Variants in PACSIN2 observed in about 807,000 individuals in gnomAD.
PACSIN2 encodes protein kinase C and casein kinase substrate in neurons protein 2.
Under a neutral mutation model 63.8 loss-of-function variants are expected in PACSIN2, and 25 were observed. That is an observed-to-expected ratio of 0.39 (90% CI 0.29 to 0.55). The LOEUF is 0.55. Ranked by LOEUF, PACSIN2 falls within the 20% of genes least tolerant of loss-of-function variation. The probability of loss-of-function intolerance (pLI) is 0.62; values close to 1 mark genes in which losing one functional copy is unlikely to be tolerated. For missense variants in PACSIN2, 518 were observed against 646.9 expected, an observed-to-expected ratio of 0.80 and a Z score of 2.16; for synonymous variants, 255 against 256.2, an observed-to-expected ratio of 1.00 and a Z score of 0.05.
chr22:42,897,175 G>A (rs528788660), intron 2 of PACSIN2, among the ~76,000 whole-genome samples: 1 of 152,260 alleles, frequency 6.6e-6, no homozygotes, highest in East Asian at 1.9e-4. Context: ...GGGCTCAAGC[G>A]ATCCTCCCAC....
intron 2 of PACSIN2, among the ~76,000 whole-genome samples, chr22:42,902,265 C>T (rs1241955651): frequency 6.6e-6 from 1 of 152,212 alleles, no homozygotes; most frequent in African/African-American, 2.4e-5. Context: ...TGAGGCAAGG[C>T]CGCTTTCTCA....
intron 1 of PACSIN2, among the ~76,000 whole-genome samples, chr22:43,002,159 C>G (rs567599421): frequency 6.6e-6 from 1 of 152,164 alleles, no homozygotes; most frequent in East Asian, 1.9e-4. Flanking sequence ...GCCAGGAACC[C>G]CCATGAGAGC....
intron 1 of PACSIN2, among the ~76,000 whole-genome samples, chr22:42,923,401 T>G (rs549766561): frequency 6.6e-6 from 1 of 152,250 alleles, no homozygotes; most frequent in East Asian, 1.9e-4. Context: ...CTAAGCTACT[T>G]CATCTTCAAC....
rs1928620942 is a variant in PACSIN2 at position 42,876,295 on chromosome 22, T to C, written c.1190A>G (p.Asp397Gly). Residue 397 changes from aspartate to glycine, a missense_variant, in exon 10 of 11, where the codon GAC (aspartate) becomes GGC (glycine). Coordinates refer to ENST00000263246, the MANE Select transcript of PACSIN2 (RefSeq NM_001184970.3). Reference protein sequence around the residue: ...SYEKTQSYPTDWSDDESNNPF... With the variant: ...SYEKTQSYPTGWSDDESNNPF... ...GTTGTTAGACTCATCGTCTGACCAG[T>C]CGGTGGGATAGCTCTGGGTCTTCTC... is the stretch of plus-strand genomic sequence containing the variant. The C allele has an allele frequency of 1.2e-6, 2 of 1,614,030 alleles. No homozygotes were observed. Among genetic ancestry groups the C allele is most frequent in the African/African-American group, 2.7e-5 (2 of 74,896 alleles).
intron 4 of PACSIN2, among the ~76,000 whole-genome samples, chr22:42,890,268 G>A (rs1929809763): frequency 6.6e-6 from 1 of 152,122 alleles, no homozygotes; most frequent in South Asian, 2.1e-4. Context: ...CCAAAGTGCT[G>A]GGATTACAGG....
chr22:42,933,224 T>C (rs1316789776), intron 1 of PACSIN2, among the ~76,000 whole-genome samples: 2 of 152,380 alleles, frequency 1.3e-5, no homozygotes, highest in Non-Finnish European at 2.9e-5. Flanking sequence ...TATGGTTCCA[T>C]ATACCTCCCC....
chr22:42,923,811 A>AG (rs1932358435), intron 1 of PACSIN2, among the ~76,000 whole-genome samples: 1 of 152,058 alleles, frequency 6.6e-6, no homozygotes, highest in African/African-American at 2.4e-5. Flanking sequence ...CTGAGGCGGG[A>AG]GGTCTGCTTG....
chr22:42,968,607 T>C (rs1921016668), intron 1 of PACSIN2, among the ~76,000 whole-genome samples: 1 of 152,164 alleles, frequency 6.6e-6, no homozygotes. Flanking sequence ...TTGGGGTGTG[T>C]CCATGGGGCT....
At chr22:42,982,891 C>A (rs80099429) in intron 1 of PACSIN2, among the ~76,000 whole-genome samples, 21,033 of 75,230 alleles carry the variant, frequency 0.28, 3,157 homozygotes, top group East Asian at 0.73. Context: ...AAAAAAAAAA[C>A]AACAACAAGG....
intron 1 of PACSIN2, among the ~76,000 whole-genome samples, chr22:42,991,830 A>C (rs1415730001): frequency 7.4e-6 from 1 of 135,932 alleles, no homozygotes; most frequent in Non-Finnish European, 1.6e-5. Flanking sequence ...AAAAAAAAAA[A>C]CCTTCAATTC....
At position 42,869,820 on chromosome 22, in the gene PACSIN2, T is replaced by C. The variant is rs1283014996; in HGVS notation, c.*1537A>G. The C allele has an allele frequency of 6.6e-6, 1 of 152,284 alleles. No individual in the cohort carries two copies. 9.4% of individuals were successfully genotyped at this position (152,284 alleles called of 1,614,324 possible). On this transcript the variant is annotated 3_prime_UTR_variant, in exon 11 of 11. Coordinates refer to ENST00000263246, the MANE Select transcript of PACSIN2 (RefSeq NM_001184970.3). ...GATTTTTTTCCTCAAATACTACACA[T>C]GTAAAGGAACTGTTAAACTGAAAAA...
chr22:43,013,420 C>G (rs117354840), intron 1 of PACSIN2, among the ~76,000 whole-genome samples: 3,114 of 152,336 alleles, frequency 0.02, 47 homozygotes, highest in East Asian at 0.03. Flanking sequence ...GGCTACCAAA[C>G]TCTAGAATTA....
At chr22:42,962,644 C>A (rs1180853377) in intron 1 of PACSIN2, among the ~76,000 whole-genome samples, 1 of 152,038 alleles carries the variant, frequency 6.6e-6, no homozygotes, top group African/African-American at 2.4e-5. Flanking sequence ...GCCAGCCCAG[C>A]AGCCATTCAC....
At chr22:42,923,548 C>T (rs1932334436) in intron 1 of PACSIN2, among the ~76,000 whole-genome samples, 1 of 152,182 alleles carries the variant, frequency 6.6e-6, no homozygotes, top group African/African-American at 2.4e-5. Context: ...CTGCCTCAGC[C>T]TCCCGAGTAG....
chr22:42,925,298 G>A (rs1932467583), intron 1 of PACSIN2, among the ~76,000 whole-genome samples: 1 of 151,948 alleles, frequency 6.6e-6, no homozygotes, highest in South Asian at 2.1e-4. Flanking sequence ...TGGCCAACAT[G>A]GTGAAACCCC....
At chr22:42,884,635 C>G in intron 5 of PACSIN2, 74 bp from the exon 6 acceptor site, 1 of 1,180,928 alleles carries the variant, frequency 8.5e-7, no homozygotes, top group Non-Finnish European at 1.2e-6. Context: ...CCTGGAGTGT[C>G]TCAGGCCTTC....
chr22:42,896,746 T>G (rs563491163), intron 2 of PACSIN2, among the ~76,000 whole-genome samples: 8 of 152,220 alleles, frequency 5.3e-5, no homozygotes, highest in Non-Finnish European at 1.2e-4. Context: ...GTATGAGACT[T>G]CCCTGTCCTG....
At chr22:42,967,671 G>A (rs1187190204) in intron 1 of PACSIN2, among the ~76,000 whole-genome samples, 2 of 152,048 alleles carry the variant, frequency 1.3e-5, no homozygotes, top group Non-Finnish European at 2.9e-5. Context: ...GGCGGATCAC[G>A]AGGTCAGGAG....
rs1927943707 is a variant in PACSIN2 at position 42,869,786 on chromosome 22, C to G, written c.*1571G>C. ...GGGACTTCCATATGCACGAGATCAACTGTTTATTGATTTTTTTCCTCAAAT... is the reference window on the plus strand; with the variant it reads ...GGGACTTCCATATGCACGAGATCAAGTGTTTATTGATTTTTTTCCTCAAAT... On this transcript the variant is annotated 3_prime_UTR_variant, in exon 11 of 11. Transcript: ENST00000263246. 6.6e-6 allele frequency: 1 copy of G among 152,274 alleles called. No homozygotes were observed. The highest frequency in any genetic ancestry group is 6.5e-5 in the Admixed American group (1 of 15,292). The allele number at this position is 152,274 out of a possible 1,614,324, so 9.4% of individuals were successfully genotyped here. A position where few individuals can be genotyped will look rare whatever the true frequency, so the allele number is the denominator to read the frequency against.
Sources: gnomAD v4.1 joint callset for allele counts (sites outside exome capture counted in the v4.1 genomes callset) on GRCh38, gnomAD v4.1.1 for gene constraint, MANE v1.5 for transcripts, NCBI Gene and HGNC (gene_info 2026-07-23, HGNC 2026-07-21) for gene names.